Variants in SCAND3 observed in about 807,000 individuals in gnomAD.
The protein encoded by SCAND3 is SCAN domain-containing protein 3.
the SCAND3 span, among the ~76,000 whole-genome samples, chr6:28,593,163 T>C: frequency 6.6e-6 from 1 of 151,858 alleles, no homozygotes; most frequent in Non-Finnish European, 1.5e-5. Flanking sequence ...TTATATCTAA[T>C]AAAGGGTTAA....
chr6:28,585,950 C>T, the SCAND3 span, among the ~76,000 whole-genome samples: 1 of 152,094 alleles, frequency 6.6e-6, no homozygotes. Context: ...CCCAAGGTTA[C>T]ACAGCTAATT....
the SCAND3 span, among the ~76,000 whole-genome samples, chr6:28,583,639 T>A: frequency 6.6e-6 from 1 of 152,240 alleles, no homozygotes. Flanking sequence ...TTTATATGGG[T>A]CCAATTAGGG....
At chr6:28,593,536 A>C in the SCAND3 span, 3 of 152,164 alleles carry the variant, frequency 2.0e-5, no homozygotes, top group African/African-American at 7.2e-5. Context: ...TTAGCCGGGC[A>C]TGGTGGTACG....
chr6:28,612,011 C>G, the SCAND3 span, among the ~76,000 whole-genome samples: 3 of 151,946 alleles, frequency 2.0e-5, no homozygotes, highest in Middle Eastern at 3.4e-3. Flanking sequence ...TTAACAATTT[C>G]ACTTCTGTGG....
At chr6:28,571,867 T>A in the SCAND3 span, 3 of 1,592,512 alleles carry the variant, frequency 1.9e-6, no homozygotes, top group Non-Finnish European at 2.6e-6. Flanking sequence ...AATGCTTATA[T>A]GCATACTTTG....
At chr6:28,574,998 A>G in the SCAND3 span, 1 of 1,613,916 alleles carries the variant, frequency 6.2e-7, no homozygotes, top group Middle Eastern at 1.7e-4. Context: ...TTCCAGTCTC[A>G]ATGTTTTCTT....
At chr6:28,607,483 T>C in the SCAND3 span, among the ~76,000 whole-genome samples, 1 of 151,582 alleles carries the variant, frequency 6.6e-6, no homozygotes, top group Non-Finnish European at 1.5e-5. Flanking sequence ...ACAGAAAAAA[T>C]ATAAAAATAA....
At chr6:28,604,664 T>G in the SCAND3 span, among the ~76,000 whole-genome samples, 2 of 152,008 alleles carry the variant, frequency 1.3e-5, no homozygotes, top group African/African-American at 4.8e-5. Flanking sequence ...TTCTTGAATC[T>G]AAATTTTTAC....
the SCAND3 span, chr6:28,572,092 T>A: frequency 6.2e-7 from 1 of 1,614,026 alleles, no homozygotes; most frequent in Non-Finnish European, 8.5e-7. This position sits in a 1 kb window ranked among gnomAD's most constrained non-coding sequence, Gnocchi z 4.1. Flanking sequence ...AAGCAGCAAT[T>A]TTAAAGCAAT....
At chr6:28,598,461 T>C in the SCAND3 span, among the ~76,000 whole-genome samples, 3 of 152,170 alleles carry the variant, frequency 2.0e-5, no homozygotes, top group Non-Finnish European at 4.4e-5. Flanking sequence ...TCATGTTCCT[T>C]TACCAAATTT....
chr6:28,576,241 G>A, the SCAND3 span: 3 of 836,122 alleles, frequency 3.6e-6, no homozygotes, highest in Non-Finnish European at 3.6e-6. Flanking sequence ...TAGGGAATAT[G>A]GACACACAAA....
At chr6:28,586,483 G>T in the SCAND3 span, 1 of 1,614,256 alleles carries the variant, frequency 6.2e-7, no homozygotes, top group Non-Finnish European at 8.5e-7. The surrounding 1 kb of genome is among the most constrained non-coding windows in gnomAD (Gnocchi z 4.4). Flanking sequence ...TTCAGCCACT[G>T]ACGGCAAAGT....
chr6:28,608,728 G>T, the SCAND3 span, among the ~76,000 whole-genome samples: 1 of 152,176 alleles, frequency 6.6e-6, no homozygotes, highest in African/African-American at 2.4e-5. Flanking sequence ...GCTGGGCATG[G>T]TGGCTTACAC....
chr6:28,576,231 T>G, the SCAND3 span: 1 of 926,872 alleles, frequency 1.1e-6, no homozygotes, highest in South Asian at 1.8e-5. Flanking sequence ...GAGGTAGAAG[T>G]AGGGAATATG....
chr6:28,593,537 T>C, the SCAND3 span: 1 of 152,122 alleles, frequency 6.6e-6, no homozygotes, highest in Admixed American at 6.6e-5. Context: ...TAGCCGGGCA[T>C]GGTGGTACGC....
the SCAND3 span, among the ~76,000 whole-genome samples, chr6:28,612,476 G>A: frequency 2.0e-5 from 3 of 152,064 alleles, no homozygotes; most frequent in Admixed American, 6.6e-5. Context: ...ATTAGGACTC[G>A]TTTGTGCATT....
At chr6:28,586,599 A>T in the SCAND3 span, 3 of 1,614,206 alleles carry the variant, frequency 1.9e-6, no homozygotes, top group Non-Finnish European at 2.5e-6. The surrounding 1 kb of genome is among the most constrained non-coding windows in gnomAD (Gnocchi z 4.4). Flanking sequence ...ATTCCTACGT[A>T]GGGCTGATTC....
At chr6:28,586,151 G>A in the SCAND3 span, 3 of 658,032 alleles carry the variant, frequency 4.6e-6, no homozygotes, top group Admixed American at 2.4e-5. The surrounding 1 kb of genome is among the most constrained non-coding windows in gnomAD (Gnocchi z 4.4). Flanking sequence ...TCATATGCAC[G>A]CATCTATTCA....
At chr6:28,582,747 C>T in the SCAND3 span, among the ~76,000 whole-genome samples, 1 of 151,632 alleles carries the variant, frequency 6.6e-6, no homozygotes, top group Non-Finnish European at 1.5e-5. This position sits in a 1 kb window ranked among gnomAD's most constrained non-coding sequence, Gnocchi z 4.8. Context: ...ATGGTGAAGC[C>T]ACGTCTCTAC....
Sources: allele counts gnomAD v4.1 joint callset (sites outside exome capture counted in the v4.1 genomes callset), GRCh38; gene constraint gnomAD v4.1.1; non-coding constraint Gnocchi (gnomAD v3.1); transcripts MANE v1.5; gene names NCBI Gene and HGNC (gene_info 2026-07-23, HGNC 2026-07-21).